Variants in NHSL1 observed in about 807,000 individuals in gnomAD.
NHSL1 encodes NHS-like protein 1.
NHSL1 carries 48 observed loss-of-function variants against 95.0 expected under a neutral mutation model. The observed-to-expected ratio is 0.51, with a 90% CI of 0.40 to 0.64. NHSL1 has a LOEUF of 0.64. Among genes scored for constraint, NHSL1 ranks in the 30% least tolerant of loss-of-function variants. The pLI, the probability that NHSL1 is intolerant of heterozygous loss-of-function variation, is 0.00. For missense variants in NHSL1, 1,971 were observed against 2,077.7 expected, an observed-to-expected ratio of 0.95 and a Z score of 1.00; for synonymous variants, 783 against 833.9, an observed-to-expected ratio of 0.94 and a Z score of 1.05.
chr6:138,591,908 A>C (rs1784234769), intron 1 of NHSL1, among the ~76,000 whole-genome samples: 4 of 152,148 alleles, frequency 2.6e-5, no homozygotes, highest in Admixed American at 2.6e-4. Flanking sequence ...GATTGGAAAA[A>C]CATAATGTAT....
At chr6:138,670,107 T>G (rs1479278804) in intron 1 of NHSL1, among the ~76,000 whole-genome samples, 1 of 148,898 alleles carries the variant, frequency 6.7e-6, no homozygotes, top group Non-Finnish European at 1.5e-5. Flanking sequence ...GGTGACAGAG[T>G]GAGACTCCAT....
At chr6:138,496,169 T>C in intron 2 of NHSL1, 50 bp downstream of exon 2, 1 of 1,539,166 alleles carries the variant, frequency 6.5e-7, no homozygotes, top group Non-Finnish European at 8.8e-7. Context: ...ATTTATGCTC[T>C]CAGCAGCCAG....
chr6:138,494,985 GTAA>G (rs1780266968), intron 2 of NHSL1, among the ~76,000 whole-genome samples: 1 of 152,166 alleles, frequency 6.6e-6, no homozygotes, highest in African/African-American at 2.4e-5. Context: ...GCTCATGCCT[GTAA>G]TCCTAGCATG....
intron 3 of NHSL1, among the ~76,000 whole-genome samples, chr6:138,468,141 T>G (rs535701851): frequency 6.6e-6 from 1 of 152,314 alleles, no homozygotes; most frequent in Admixed American, 6.5e-5. Flanking sequence ...GCCTTCACAT[T>G]CACTCACCAC....
intron 1 of NHSL1, among the ~76,000 whole-genome samples, chr6:138,521,233 C>T (rs895592414): frequency 6.6e-6 from 1 of 152,152 alleles, no homozygotes; most frequent in African/African-American, 2.4e-5. Flanking sequence ...GGCGTGGTGG[C>T]TCACATCTGT....
chr6:138,459,857 A>G (rs533686678), intron 3 of NHSL1, among the ~76,000 whole-genome samples: 30 of 152,300 alleles, frequency 2.0e-4, no homozygotes, highest in African/African-American at 7.2e-4. Flanking sequence ...TTAATATATA[A>G]TTAGATTACC....
chr6:138,611,063 G>A (rs1784506032), intron 1 of NHSL1, among the ~76,000 whole-genome samples: 1 of 150,874 alleles, frequency 6.6e-6, no homozygotes, highest in East Asian at 1.9e-4. Flanking sequence ...GTGACAGAGA[G>A]AGACTGTCTC....
chr6:138,532,846 A>G (rs191261928), intron 1 of NHSL1, among the ~76,000 whole-genome samples: 45 of 152,348 alleles, frequency 3.0e-4, no homozygotes, highest in Non-Finnish European at 5.6e-4. Flanking sequence ...TAATCTAATA[A>G]GATCTCAACT....
chr6:138,437,413 T>C lies in NHSL1; in HGVS notation c.665-3733A>G, dbSNP rs1320059756. 6.8e-3 allele frequency among the ~76,000 whole-genome samples: 327 copies of C among 47,902 alleles called. 10 individuals are homozygous for C. The highest frequency in any genetic ancestry group is 0.025 in the African/African-American group (219 of 8,802). 31.4% of individuals were successfully genotyped at this position (47,902 alleles called of 152,430 possible). A position where few individuals can be genotyped will look rare whatever the true frequency, so the allele number is the denominator to read the frequency against. On this transcript the variant is annotated intron_variant, in intron 5 of 7. Coordinates refer to ENST00000343505, the MANE Select transcript of NHSL1 (RefSeq NM_001144060.2). ...ACATATATATATATATACACACATATACACACACACACACACACACACACA... is the reference window on the plus strand; with the variant it reads ...ACATATATATATATATACACACATACACACACACACACACACACACACACA...
At chr6:138,556,786 G>C (rs966034422) in intron 1 of NHSL1, among the ~76,000 whole-genome samples, 6 of 151,986 alleles carry the variant, frequency 3.9e-5, no homozygotes, top group Non-Finnish European at 1.5e-5. Flanking sequence ...TAGTAGAGTA[G>C]AAGTGGTTTT....
At chr6:138,617,545 G>C (rs1405154311) in intron 1 of NHSL1, among the ~76,000 whole-genome samples, 1 of 152,134 alleles carries the variant, frequency 6.6e-6, no homozygotes, top group African/African-American at 2.4e-5. Flanking sequence ...TTTGTATATA[G>C]AGCAAACACT....
intron 1 of NHSL1, among the ~76,000 whole-genome samples, chr6:138,580,702 A>G (rs896729552): frequency 1.3e-5 from 2 of 152,248 alleles, no homozygotes; most frequent in African/African-American, 4.8e-5. Flanking sequence ...TCGTTTGGCA[A>G]ACACAATAAC....
chr6:138,470,097 T>G (rs989090706), intron 3 of NHSL1, among the ~76,000 whole-genome samples: 2 of 152,326 alleles, frequency 1.3e-5, no homozygotes, highest in South Asian at 4.1e-4. Flanking sequence ...TTTATTTTAT[T>G]CTGAAACCAA....
At chr6:138,543,867 CAG>C (rs1782678229) in intron 1 of NHSL1, among the ~76,000 whole-genome samples, 1 of 152,172 alleles carries the variant, frequency 6.6e-6, no homozygotes, top group Non-Finnish European at 1.5e-5. Context: ...GCCGGGAGAT[CAG>C]AGAGTAGGCT....
chr6:138,569,456 G>T (rs1446376454), intron 1 of NHSL1, among the ~76,000 whole-genome samples: 1 of 152,160 alleles, frequency 6.6e-6, no homozygotes, highest in Non-Finnish European at 1.5e-5. Flanking sequence ...TATAAAAGAT[G>T]CTACACATTC....
rs775796733 is a variant in NHSL1 at position 138,431,982 on chromosome 6, C to T, written c.2363G>A (p.Gly788Asp). The T allele has an allele frequency of 2.6e-6, 4 of 1,551,652 alleles. No individual in the cohort carries two copies. The highest frequency in any genetic ancestry group is 3.5e-6 in the Non-Finnish European group (4 of 1,147,016). The change falls in exon 6 of 8, where the codon GGC (glycine) becomes GAC (aspartate). Residue 788 changes from glycine to aspartate, a missense_variant. Gly to Asp is a moderately conservative substitution (Grantham distance 94, BLOSUM62 -1). Around this residue, in one of 3 missense-constraint regions of NHSL1, gnomAD observed 1,602 missense variants for 1,654.5 expected, o/e 0.97. Coordinates refer to ENST00000343505, the MANE Select transcript of NHSL1 (RefSeq NM_001144060.2). This position sits in a 1 kb window ranked among gnomAD's most constrained non-coding sequence, Gnocchi z 4.0. ...CGGGTTCCCCGGATCTTCCTGCATG[C>T]CCGTGTAGTCAATGTAATAACCCCA... is the stretch of plus-strand genomic sequence containing the variant. The part of the protein sequence containing the change: ...DPWGYYIDYT[G>D]MQEDPGNPAG...
At chr6:138,507,772 TTC>T (rs1446665797) in intron 1 of NHSL1, among the ~76,000 whole-genome samples, 1 of 152,198 alleles carries the variant, frequency 6.6e-6, no homozygotes, top group East Asian at 1.9e-4. Context: ...CTTTTCTTTC[TTC>T]TGTTTCTGAA....
upstream of NHSL1, among the ~76,000 whole-genome samples, chr6:138,545,992 T>C (rs1268468410): frequency 2.0e-5 from 3 of 152,358 alleles, no homozygotes; most frequent in Admixed American, 2.0e-4. Context: ...CCACAGCGGA[T>C]GCAGCTCTTC....
intron 1 of NHSL1, among the ~76,000 whole-genome samples, chr6:138,528,206 G>A (rs185357436): frequency 5.3e-5 from 8 of 152,208 alleles, no homozygotes; most frequent in African/African-American, 1.9e-4. Context: ...TTTATTTCTT[G>A]TATTACTTTT....
Sources: allele counts gnomAD v4.1 joint callset (sites outside exome capture counted in the v4.1 genomes callset), GRCh38; gene constraint gnomAD v4.1.1; regional missense constraint gnomAD v4.1.1; non-coding constraint Gnocchi (gnomAD v3.1); transcripts MANE v1.5; gene names NCBI Gene and HGNC (gene_info 2026-07-23, HGNC 2026-07-21).